ZFP62: variants seen among roughly 807,000 people sequenced by gnomAD.
The protein encoded by ZFP62 is zinc finger protein 62 homolog.
Under a neutral mutation model 56.4 loss-of-function variants are expected in ZFP62, and 44 were observed. The observed-to-expected ratio is 0.78, with a 90% CI of 0.61 to 1.00. ZFP62 has a LOEUF of 1.00. Among genes scored for constraint, ZFP62 ranks in the 50% least tolerant of loss-of-function variants. The pLI, the probability that ZFP62 is intolerant of heterozygous loss-of-function variation, is 0.00. For synonymous variants in ZFP62, 421 were observed against 388.9 expected (o/e 1.08, Z -0.97); for missense variants, 1,030 against 1,085.7 (o/e 0.95, Z 0.72).
chr5:180,850,192 G>C lies in ZFP62; in HGVS notation c.1303C>G (p.Leu435Val). The C allele has an allele frequency of 2.6e-6, 4 of 1,552,024 alleles. No individual in the cohort carries two copies. The highest frequency in any genetic ancestry group is 1.2e-5 in the South Asian group (1 of 84,076). ...ECGKSFSYNSLLLQHRTIHTG... is the reference protein window; with the variant it reads ...ECGKSFSYNSVLLQHRTIHTG... ...TGAATAGTTCTGTGTTGAAGAAGTA[G>C]TGAGTTATAACTAAAGGATTTCCCA... Residue 435 changes from leucine (L) to valine (V), a missense_variant, in exon 2 of 2, where the codon CTA (leucine) becomes GTA (valine). Coordinates refer to ENST00000502412, the MANE Select transcript of ZFP62 (RefSeq NM_001172638.2).
chr5:180,832,109 A>T, the ZFP62 span, among the ~76,000 whole-genome samples: 1 of 151,496 alleles, frequency 6.6e-6, no homozygotes, highest in Non-Finnish European at 1.5e-5. Context: ...AACAAAAAAC[A>T]CAACTCTTGC....
chr5:180,829,102 C>G, the ZFP62 span, among the ~76,000 whole-genome samples: 137,669 of 151,732 alleles, frequency 0.91, 62,549 homozygotes, highest in East Asian at 1. Context: ...TATCAAGACA[C>G]TACGTGCACC....
chr5:180,838,061 G>A, the ZFP62 span, among the ~76,000 whole-genome samples: 5 of 152,278 alleles, frequency 3.3e-5, no homozygotes, highest in South Asian at 8.3e-4. Flanking sequence ...CTGGACCTGT[G>A]TATAGGAAAT....
At chr5:180,852,554 CAAAA>C (rs36030316) in intron 1 of ZFP62, among the ~76,000 whole-genome samples, 9 of 109,444 alleles carry the variant, frequency 8.2e-5, no homozygotes, top group Non-Finnish European at 1.1e-4. Context: ...CTCCGTCTCA[CAAAA>C]AAAAAAAAAA....
At chr5:180,860,798 G>C (rs1263987726) in intron 1 of ZFP62, 1 of 202,786 alleles carries the variant, frequency 4.9e-6, no homozygotes, top group African/African-American at 2.3e-5. Flanking sequence ...AAGTCCTAGA[G>C]TACCAAACTT....
At chr5:180,854,786 G>A (rs575092564) in intron 1 of ZFP62, among the ~76,000 whole-genome samples, 2 of 152,230 alleles carry the variant, frequency 1.3e-5, no homozygotes, top group South Asian at 4.2e-4. Flanking sequence ...GGAGAGAAGA[G>A]GGGGGACTGT....
At chr5:180,847,488 T>G, downstream of ZFP62, 2 of 670,560 alleles carry the variant, frequency 3.0e-6, no homozygotes, top group Non-Finnish European at 3.7e-6. Context: ...TGAAACCAGC[T>G]GAGCTGCTAG....
chr5:180,834,822 G>C, the ZFP62 span: 1 of 152,244 alleles, frequency 6.6e-6, no homozygotes, highest in Non-Finnish European at 1.5e-5. Flanking sequence ...AGATGGCTGG[G>C]GAAGCACTGT....
chr5:180,855,618 C>G (rs1427252437), intron 1 of ZFP62, among the ~76,000 whole-genome samples: 1 of 152,138 alleles, frequency 6.6e-6, no homozygotes, highest in Admixed American at 6.5e-5. Flanking sequence ...ATTACAGAGC[C>G]TCATATCCAC....
chr5:180,850,632 T>C lies in ZFP62; in HGVS notation c.863A>G (p.Lys288Arg), dbSNP rs1348534439. ...EKPYECDICGKTFSNSSGLRV... is the reference protein window; with the variant it reads ...EKPYECDICGRTFSNSSGLRV... Reference sequence around the variant, plus strand: ...AAGGCCAGAGCTGTTACTGAAGGTTTTCCCACAGATGTCGCATTCATAGGG... The same window carrying C: ...AAGGCCAGAGCTGTTACTGAAGGTTCTCCCACAGATGTCGCATTCATAGGG... Residue 288 changes from lysine to arginine, a missense_variant, in exon 2 of 2, where the codon AAA (lysine) becomes AGA (arginine). Coordinates refer to ENST00000502412, the MANE Select transcript of ZFP62 (RefSeq NM_001172638.2). 3 of 1,575,944 alleles carry C rather than the reference T, an allele frequency of 1.9e-6. No individual in the cohort carries two copies. The highest frequency in any genetic ancestry group is 4.7e-5 in the East Asian group (2 of 42,608).
At chr5:180,832,477 T>C in the ZFP62 span, among the ~76,000 whole-genome samples, 1 of 152,220 alleles carries the variant, frequency 6.6e-6, no homozygotes, top group South Asian at 2.1e-4. Flanking sequence ...TCCAAAACTC[T>C]AGGATAATAA....
At chr5:180,841,631 T>C in the ZFP62 span, among the ~76,000 whole-genome samples, 3 of 152,146 alleles carry the variant, frequency 2.0e-5, no homozygotes, top group South Asian at 2.1e-4. Flanking sequence ...ATGCAGAGAA[T>C]AGGTGACACA....
At chr5:180,832,686 C>G in the ZFP62 span, 1 of 152,190 alleles carries the variant, frequency 6.6e-6, no homozygotes, top group Non-Finnish European at 1.5e-5. Context: ...CCAGTCAGGA[C>G]TGGTAGACTT....
downstream of ZFP62, among the ~76,000 whole-genome samples, chr5:180,845,147 A>G (rs1190190795): frequency 6.6e-6 from 1 of 151,902 alleles, no homozygotes; most frequent in Admixed American, 6.6e-5. Flanking sequence ...AGCCCAGCCA[A>G]CAATGATGAA....
At chr5:180,837,708 C>T in the ZFP62 span, among the ~76,000 whole-genome samples, 4 of 152,190 alleles carry the variant, frequency 2.6e-5, no homozygotes, top group Admixed American at 2.6e-4. Flanking sequence ...CTGGAATTTT[C>T]CCCACAAGAC....
the ZFP62 span, among the ~76,000 whole-genome samples, chr5:180,829,020 G>A: frequency 6.6e-6 from 1 of 152,208 alleles, no homozygotes; most frequent in Admixed American, 6.5e-5. Flanking sequence ...TTAGGATTGG[G>A]AAACTCCATC....
chr5:180,843,367 T>C (rs1360483344), downstream of ZFP62, among the ~76,000 whole-genome samples: 1 of 152,078 alleles, frequency 6.6e-6, no homozygotes, highest in East Asian at 1.9e-4. Context: ...GAATCATTCA[T>C]AACTATAAAT....
chr5:180,853,231 G>A (rs1242569811), intron 1 of ZFP62, among the ~76,000 whole-genome samples: 1 of 152,216 alleles, frequency 6.6e-6, no homozygotes, highest in Non-Finnish European at 1.5e-5. Flanking sequence ...ACACAACGGA[G>A]TACTGAAAAA....
the ZFP62 span, among the ~76,000 whole-genome samples, chr5:180,833,497 AG>A: frequency 8.7e-5 from 13 of 149,358 alleles, no homozygotes; most frequent in African/African-American, 3.3e-4. Context: ...AAAAAAAAAA[AG>A]AGAACAGAGA....
Sources: allele counts gnomAD v4.1 joint callset (sites outside exome capture counted in the v4.1 genomes callset), GRCh38; gene constraint gnomAD v4.1.1; transcripts MANE v1.5; gene names NCBI Gene and HGNC (gene_info 2026-07-23, HGNC 2026-07-21).